Variants in PPP1R16A observed in about 807,000 individuals in gnomAD.
The protein encoded by PPP1R16A is protein phosphatase 1 regulatory subunit 16A.
PPP1R16A carries 39 observed loss-of-function variants against 46.6 expected under a neutral mutation model. The ratio of observed to expected loss-of-function variants is 0.84; its 90% CI spans 0.65 to 1.09. The LOEUF (loss-of-function observed/expected upper bound fraction) is 1.09. Ranked by LOEUF, PPP1R16A falls within the 50% of genes least tolerant of loss-of-function variation. PPP1R16A has a pLI of 0.00. For missense variants in PPP1R16A, 798 were observed against 735.6 expected (o/e 1.08, Z -0.98); for synonymous variants, 413 against 321.5 (o/e 1.28, Z -3.04).
At chr8:144,498,665 G>A (rs915062277) in intron 3 of PPP1R16A, 105 bp from the exon 4 acceptor site, 21 of 1,160,678 alleles carry the variant, frequency 1.8e-5, no homozygotes, top group East Asian at 7.5e-5. Context: ...TCCTGCCATC[G>A]GCACCACTGT....
rs1198577713 is a variant in PPP1R16A, at chr8:144,493,657, G to T, written c.-734-2804G>T. Among the ~76,000 whole-genome samples, 1 of 152,068 alleles carries T rather than the reference G, an allele frequency of 6.6e-6. No homozygotes were observed. On this transcript the variant is annotated intron_variant, in intron 2 of 11. Transcript: ENST00000435887. This position sits in a 1 kb window ranked among gnomAD's most constrained non-coding sequence, Gnocchi z 4.3. ...TTCCTGGGCAGGGAGGCCAGAGGGGGACGCTTAGGGCTCAGCCTGGGGGGA... is the reference window on the plus strand; with the variant it reads ...TTCCTGGGCAGGGAGGCCAGAGGGGTACGCTTAGGGCTCAGCCTGGGGGGA...
Position 144,500,937 on chromosome 8 carries a change from C to G in PPP1R16A, c.1003C>G (p.Leu335Val). 6.6e-7 allele frequency: 1 copy of G among 1,507,420 alleles called. No homozygotes were observed. The highest frequency in any genetic ancestry group is 8.8e-7 in the Non-Finnish European group (1 of 1,133,640). The allele number at this position is 1,507,420 out of a possible 1,614,324, so 93.4% of individuals were successfully genotyped here. Residue 335 changes from leucine to valine, a missense_variant, in exon 10 of 12, where the codon CTG becomes GTG. By Grantham distance (32) the Leu-to-Val change is conservative. Coordinates refer to ENST00000435887, the MANE Select transcript of PPP1R16A (RefSeq NM_001329443.2). ...LRAQSRQRSL[L>V]RRRTSSAGSR... ...CGCCCAGAGCCGCCAGCGCTCCTTG[C>G]TGCGCCGCCGCACCTCCAGCGCCGG... is the stretch of plus-strand genomic sequence containing the variant.
Position 144,485,481 on chromosome 8 carries a change from G to A in PPP1R16A, c.-913-4553G>A, listed in dbSNP as rs969000314. Among the ~76,000 whole-genome samples, 14 of 150,550 alleles carry A rather than the reference G, an allele frequency of 9.3e-5. No individual in the cohort carries two copies. In the South Asian group the frequency reaches 1.9e-3, roughly 20 times the overall value. On this transcript the variant is annotated intron_variant, in intron 1 of 11. Coordinates refer to ENST00000435887, the MANE Select transcript of PPP1R16A (RefSeq NM_001329443.2). ...AGAGCTTGCAGTGAGCTGAGATTGCGCCACTGCACTGCAGCCCGGGCAACA... is the reference window on the plus strand; with the variant it reads ...AGAGCTTGCAGTGAGCTGAGATTGCACCACTGCACTGCAGCCCGGGCAACA...
Position 144,501,307 on chromosome 8 carries a change from T to C in PPP1R16A, c.1203+13T>C. 1.3e-6 allele frequency: 2 copies of C among 1,564,486 alleles called. No homozygotes were observed. The highest frequency in any genetic ancestry group is 1.1e-5 in the South Asian group (1 of 87,052). On this transcript the variant is annotated intron_variant, in intron 11 of 11. Transcript: ENST00000435887. ...GCCGCCCCCGGAGGTGAGCGCCCCGTCCCTGCTCCGCCCAGCGCAGGGGTG... is the reference window on the plus strand; with the variant it reads ...GCCGCCCCCGGAGGTGAGCGCCCCGCCCCTGCTCCGCCCAGCGCAGGGGTG...
At position 144,493,659 on chromosome 8, in the gene PPP1R16A, C is replaced by T. The variant is rs973317857; in HGVS notation, c.-734-2802C>T. On this transcript the variant is annotated intron_variant, in intron 2 of 11. Transcript: ENST00000435887. The surrounding 1 kb of genome is among the most constrained non-coding windows in gnomAD (Gnocchi z 4.3). ...CCTGGGCAGGGAGGCCAGAGGGGGA[C>T]GCTTAGGGCTCAGCCTGGGGGGAGG... 1.2e-4 allele frequency among the ~76,000 whole-genome samples: 18 copies of T among 152,040 alleles called. No homozygotes were observed. Among genetic ancestry groups the T allele is most frequent in the South Asian group, 2.1e-4 (1 of 4,824 alleles).
In PPP1R16A at chr8:144,497,322, A is replaced by G. The variant is rs1826123003; in HGVS notation, c.128A>G (p.Glu43Gly). The G allele has an allele frequency of 1.2e-5, 20 of 1,612,494 alleles. No homozygotes were observed. Among genetic ancestry groups the G allele is most frequent in the Non-Finnish European group, 1.6e-5 (19 of 1,179,866 alleles). The change falls in exon 3 of 12, where the codon GAG becomes GGG. Residue 43 changes from glutamate to glycine, a missense_variant. Transcript: ENST00000435887. ...AAGATGTGGGCCCAGGCTGAGAAGG[A>G]GGCCCAGGGCAAGAAGGGTCCTGGG... ...QVKMWAQAEK[E>G]AQGKKGPGER...
Position 144,500,171 on chromosome 8 carries a change from C to T in PPP1R16A, c.552C>T (p.Asp184=). The part of the protein sequence containing the change: ...YDLCDDEQTL[D]CLETAMADRG... ...TGTGTGATGATGAGCAGACGCTGGA[C>T]TGCCTGGAGACTGCCATGGCCGACC... The change falls in exon 6 of 12, where the codon GAC becomes GAT. Residue 184 remains aspartate, a synonymous_variant. Coordinates refer to ENST00000435887, the MANE Select transcript of PPP1R16A (RefSeq NM_001329443.2). 1 of 1,611,440 alleles carries T rather than the reference C, an allele frequency of 6.2e-7. No individual in the cohort carries two copies. The highest frequency in any genetic ancestry group is 8.5e-7 in the Non-Finnish European group (1 of 1,178,990).
Position 144,493,038 on chromosome 8 carries a change from G to GGA in PPP1R16A, c.-735+2828_-735+2829dup, listed in dbSNP as rs1372884102. The stretch of plus-strand genomic sequence containing the variant: ...ATGGCAGGTGCCTGAGGCAGTGATG[G>GGA]GAGTAGAGAGGGCACTGAGGCTCTC... On this transcript the variant is annotated intron_variant, in intron 2 of 11. Transcript: ENST00000435887. The surrounding 1 kb of genome is among the most constrained non-coding windows in gnomAD (Gnocchi z 4.3). Among the ~76,000 whole-genome samples the GGA allele has an allele frequency of 6.6e-6, 1 of 152,134 alleles. No homozygotes were observed. Among genetic ancestry groups the GGA allele is most frequent in the Non-Finnish European group, 1.5e-5 (1 of 67,982 alleles).
At chr8:144,484,370 A>T (rs147103286) in intron 1 of PPP1R16A, among the ~76,000 whole-genome samples, 1 of 152,208 alleles carries the variant, frequency 6.6e-6, no homozygotes, top group African/African-American at 2.4e-5. Flanking sequence ...TAGAGCTATG[A>T]GGCTGAATGA....
Position 144,500,209 on chromosome 8 carries a change from G to C in PPP1R16A, c.580+10G>C. On this transcript the variant is annotated intron_variant, in intron 6 of 11. Coordinates refer to ENST00000435887, the MANE Select transcript of PPP1R16A (RefSeq NM_001329443.2). ...GCCATGGCCGACCGTGGTAGGTGCG[G>C]CGGTGCGGCTGTGGGAGGGCTGCCG... is the stretch of plus-strand genomic sequence containing the variant. The C allele has an allele frequency of 6.3e-7, 1 of 1,598,950 alleles. No individual in the cohort carries two copies. The highest frequency in any genetic ancestry group is 1.1e-5 in the South Asian group (1 of 88,974).
At chr8:144,481,840 C>T (rs546509497) in intron 1 of PPP1R16A, among the ~76,000 whole-genome samples, 3 of 152,162 alleles carry the variant, frequency 2.0e-5, no homozygotes, top group African/African-American at 4.8e-5. Flanking sequence ...TGCAGTGGCA[C>T]GATCTTGGCT....
chr8:144,497,102 T>A lies in PPP1R16A; in HGVS notation c.-93T>A, dbSNP rs145163729. The A allele has an allele frequency of 8.6e-4, 1,286 of 1,499,002 alleles. 16 individuals are homozygous for A. The African/African-American group carries it at 0.014, about 17-fold the overall frequency. 92.9% of individuals were successfully genotyped at this position (1,499,002 alleles called of 1,614,324 possible). On this transcript the variant is annotated 5_prime_UTR_variant, in exon 3 of 12. Coordinates refer to ENST00000435887, the MANE Select transcript of PPP1R16A (RefSeq NM_001329443.2). ...AAGGGGATGCCCCCGAGGGTGCCAG[T>A]CCAGCTAGCTGCCCCACCCCTCAGG... is the stretch of plus-strand genomic sequence containing the variant.
intron 1 of PPP1R16A, among the ~76,000 whole-genome samples, chr8:144,488,041 G>A (rs753526254): frequency 1.1e-4 from 16 of 152,194 alleles, no homozygotes; most frequent in Admixed American, 2.6e-4. Context: ...GGCTTATTCC[G>A]AGGCATTGAG....
rs755220546 is a variant in PPP1R16A at position 144,497,298 on chromosome 8, A to C, written c.104A>C (p.Lys35Thr). Reference protein sequence around the residue: ...HAQKRRAQQVKMWAQAEKEAQ... With the variant: ...HAQKRRAQQVTMWAQAEKEAQ... ...CAGAAGCGGCGCGCCCAGCAGGTGAAGATGTGGGCCCAGGCTGAGAAGGAG... is the reference window on the plus strand; with the variant it reads ...CAGAAGCGGCGCGCCCAGCAGGTGACGATGTGGGCCCAGGCTGAGAAGGAG... Residue 35 changes from lysine (K) to threonine (T), a missense_variant, in exon 3 of 12, where the codon AAG becomes ACG. Physicochemically the swap from Lys to Thr is moderately conservative, Grantham distance 78 (BLOSUM62 -1). Coordinates refer to ENST00000435887, the MANE Select transcript of PPP1R16A (RefSeq NM_001329443.2). 2 of 1,612,364 alleles carry C rather than the reference A, an allele frequency of 1.2e-6. No homozygotes were observed. The highest frequency in any genetic ancestry group is 1.7e-6 in the Non-Finnish European group (2 of 1,179,738).
chr8:144,492,083 C>T (rs1389382206), intron 2 of PPP1R16A, among the ~76,000 whole-genome samples: 2 of 152,324 alleles, frequency 1.3e-5, no homozygotes, highest in East Asian at 3.9e-4. Context: ...CTGGGCTGGC[C>T]CCCAGAACCA....
At chr8:144,481,179 G>A (rs887337277) in intron 1 of PPP1R16A, among the ~76,000 whole-genome samples, 3 of 151,020 alleles carry the variant, frequency 2.0e-5, no homozygotes, top group African/African-American at 7.3e-5. Flanking sequence ...CGTGACCACC[G>A]CGCCCGGCCT....
intron 1 of PPP1R16A, among the ~76,000 whole-genome samples, chr8:144,482,078 C>T (rs1586736343): frequency 3.3e-5 from 2 of 60,768 alleles, no homozygotes; most frequent in Non-Finnish European, 5.3e-5. Context: ...GCCCGGCTGC[C>T]GCCGCCGCCG....
chr8:144,489,079 C>G (rs971100736), intron 1 of PPP1R16A, among the ~76,000 whole-genome samples: 4 of 150,534 alleles, frequency 2.7e-5, no homozygotes, highest in African/African-American at 9.8e-5. Flanking sequence ...TGGCACACAC[C>G]TATAATTGCA....
intron 1 of PPP1R16A, among the ~76,000 whole-genome samples, chr8:144,479,487 G>C (rs947373800): frequency 2.0e-5 from 3 of 152,156 alleles, no homozygotes; most frequent in Admixed American, 6.5e-5. Flanking sequence ...TCACCTGCTT[G>C]GGATGCACTT....
Sources: gnomAD v4.1 joint callset for allele counts (sites outside exome capture counted in the v4.1 genomes callset) on GRCh38, gnomAD v4.1.1 for gene constraint, Gnocchi (gnomAD v3.1) non-coding constraint, MANE v1.5 for transcripts, NCBI Gene and HGNC (gene_info 2026-07-23, HGNC 2026-07-21) for gene names.